PHF24: variants seen among roughly 807,000 people sequenced by gnomAD.
PHF24 encodes Galpha inhibitory interacting protein.
Under a neutral mutation model 42.6 loss-of-function variants are expected in PHF24, and 25 were observed. The ratio of observed to expected loss-of-function variants is 0.59; its 90% CI spans 0.43 to 0.82. The LOEUF (loss-of-function observed/expected upper bound fraction) is 0.82, where lower values mean the gene tolerates loss of function less well. Among genes scored for constraint, PHF24 ranks in the 40% least tolerant of loss-of-function variants. The pLI is 0.00. For synonymous variants in PHF24, 185 were observed against 204.8 expected (o/e 0.90, Z 0.83); for missense variants, 470 against 538.1 (o/e 0.87, Z 1.25).
chr9:34,947,106 G>A, the PHF24 span, among the ~76,000 whole-genome samples: 3 of 152,182 alleles, frequency 2.0e-5, no homozygotes, highest in East Asian at 5.8e-4. Flanking sequence ...TTGTCACAGG[G>A]TGAGCTTGAG....
the PHF24 span, among the ~76,000 whole-genome samples, chr9:34,766,472 T>G: frequency 6.6e-6 from 1 of 152,200 alleles, no homozygotes; most frequent in South Asian, 2.1e-4. Context: ...CACTGATACC[T>G]TTTCTTCCAG....
At chr9:34,936,982 G>T in the PHF24 span, among the ~76,000 whole-genome samples, 8 of 146,958 alleles carry the variant, frequency 5.4e-5, no homozygotes, top group African/African-American at 1.7e-4. Context: ...GGAGGTGGGG[G>T]TCAGCCCCCG....
At chr9:34,915,411 T>C in the PHF24 span, among the ~76,000 whole-genome samples, 3 of 151,964 alleles carry the variant, frequency 2.0e-5, no homozygotes, top group Non-Finnish European at 2.9e-5. Flanking sequence ...GTTGGCCTTT[T>C]TTTTTTTTCA....
the PHF24 span, among the ~76,000 whole-genome samples, chr9:34,811,753 A>AT: frequency 2.0e-5 from 3 of 152,240 alleles, no homozygotes; most frequent in Non-Finnish European, 4.4e-5. Flanking sequence ...AATTTCTTAG[A>AT]TTTTGATACC....
the PHF24 span, among the ~76,000 whole-genome samples, chr9:34,784,209 A>C: frequency 6.6e-6 from 1 of 152,170 alleles, no homozygotes; most frequent in Non-Finnish European, 1.5e-5. Flanking sequence ...CTAGTAATTA[A>C]GTTTTCTTGT....
At chr9:34,951,020 A>T in the PHF24 span, among the ~76,000 whole-genome samples, 3 of 152,262 alleles carry the variant, frequency 2.0e-5, no homozygotes, top group Non-Finnish European at 4.4e-5. Flanking sequence ...TAGGGCAGAT[A>T]TTAAAGGGAT....
chr9:34,910,512 A>T, the PHF24 span, among the ~76,000 whole-genome samples: 1 of 152,246 alleles, frequency 6.6e-6, no homozygotes, highest in African/African-American at 2.4e-5. Flanking sequence ...AATTAGCTCA[A>T]ATTAGCCATT....
the PHF24 span, among the ~76,000 whole-genome samples, chr9:34,875,934 ACACACACACACACACACT>A: frequency 3.8e-5 from 3 of 78,158 alleles, no homozygotes; most frequent in Non-Finnish European, 7.8e-5. Context: ...ACACACACAC[ACACACACACACACACACT>A]CTCTCTCTCT....
the PHF24 span, among the ~76,000 whole-genome samples, chr9:34,687,352 C>T: frequency 4.6e-5 from 7 of 152,180 alleles, no homozygotes; most frequent in Middle Eastern, 3.4e-3. Flanking sequence ...CAAATGCTGG[C>T]GGTTTAGCAT....
At chr9:34,734,063 A>G in the PHF24 span, among the ~76,000 whole-genome samples, 4 of 152,230 alleles carry the variant, frequency 2.6e-5, no homozygotes, top group African/African-American at 9.6e-5. Flanking sequence ...GAAATCACAC[A>G]TACAAGAAGA....
the PHF24 span, among the ~76,000 whole-genome samples, chr9:34,783,102 G>C: frequency 1.3e-5 from 2 of 152,110 alleles, no homozygotes; most frequent in African/African-American, 4.8e-5. Flanking sequence ...CTTTGCTTAA[G>C]AATTCTGTTT....
the PHF24 span, among the ~76,000 whole-genome samples, chr9:34,938,900 G>A: frequency 6.1e-5 from 8 of 130,502 alleles, no homozygotes; most frequent in South Asian, 2.5e-4. Flanking sequence ...TTGTGCCACC[G>A]CACTCCAGCC....
At chr9:34,720,178 C>T in the PHF24 span, among the ~76,000 whole-genome samples, 21 of 152,168 alleles carry the variant, frequency 1.4e-4, no homozygotes, top group Non-Finnish European at 2.4e-4. Context: ...GGCGCGGTGG[C>T]TCACGCCTGT....
At chr9:34,779,124 T>C in the PHF24 span, among the ~76,000 whole-genome samples, 1 of 151,954 alleles carries the variant, frequency 6.6e-6, no homozygotes, top group East Asian at 1.9e-4. Context: ...GTTATAGTGA[T>C]AAACATCTAT....
At chr9:34,728,168 T>A in the PHF24 span, 1 of 1,252,464 alleles carries the variant, frequency 8.0e-7, no homozygotes, top group Non-Finnish European at 1.1e-6. Context: ...CCTTTGACTC[T>A]CATCAAGAAA....
chr9:34,689,464 A>G, the PHF24 span: 13 of 252,746 alleles, frequency 5.1e-5, no homozygotes, highest in Admixed American at 3.5e-4. The surrounding 1 kb of genome is among the most constrained non-coding windows in gnomAD (Gnocchi z 4.1). Flanking sequence ...GCAAACGGAC[A>G]GCAGACAGAT....
chr9:34,932,945 T>A, the PHF24 span, among the ~76,000 whole-genome samples: 1 of 149,588 alleles, frequency 6.7e-6, no homozygotes, highest in Admixed American at 6.7e-5. Context: ...ATAATATGAG[T>A]CCCCTCCCCA....
the PHF24 span, among the ~76,000 whole-genome samples, chr9:34,890,436 A>AAAGTACCTGGGCCTCTGTCATGT: frequency 4.6e-5 from 7 of 152,322 alleles, no homozygotes; most frequent in East Asian, 1.4e-3. Flanking sequence ...AGCTGAACAC[A>AAAGTACCTGGGCCTCTGTCATGT]AAGTACCTGG....
At chr9:34,706,824 T>A in the PHF24 span, among the ~76,000 whole-genome samples, 1 of 151,980 alleles carries the variant, frequency 6.6e-6, no homozygotes, top group Non-Finnish European at 1.5e-5. Context: ...CTTTTGTAAA[T>A]GTCTTACACC....
Sources: gnomAD v4.1 joint callset for allele counts (sites outside exome capture counted in the v4.1 genomes callset) on GRCh38, gnomAD v4.1.1 for gene constraint, Gnocchi (gnomAD v3.1) non-coding constraint, MANE v1.5 for transcripts, NCBI Gene and HGNC (gene_info 2026-07-23, HGNC 2026-07-21) for gene names.